COLEC12: variants seen among roughly 807,000 people sequenced by gnomAD.
The protein encoded by COLEC12 is collectin subfamily member 12, also known as collectin-12.
A neutral mutation model predicts 71.1 loss-of-function variants in COLEC12; 33 were observed. The ratio of observed to expected loss-of-function variants is 0.46; its 90% confidence interval spans 0.35 to 0.62. The LOEUF is 0.62. COLEC12 is among the 20% of genes least tolerant of loss of function. COLEC12 has a pLI of 0.00. For synonymous variants in COLEC12, 350 were observed against 353.0 expected (o/e 0.99, Z 0.10); for missense variants, 765 against 916.1 (o/e 0.84, Z 2.13).
intron 2 of COLEC12, among the ~76,000 whole-genome samples, chr18:416,854 A>AGGTGGGGGCGGTGGGG (rs1475603371): frequency 1.3e-4 from 1 of 7,796 alleles, no homozygotes; most frequent in Non-Finnish European, 2.3e-4. Context: ...GCAAGCTAAC[A>AGGTGGGGGCGGTGGGG]GGTGGGGGCG....
chr18:321,609 C>G lies in COLEC12; in HGVS notation c.2209+53G>C, dbSNP rs1913705596. On this transcript the variant is annotated intron_variant, in intron 9 of 9. Coordinates refer to ENST00000400256, the MANE Select transcript of COLEC12 (RefSeq NM_130386.3). ...GCCCTTGTACTCACCACCCCTCACC[C>G]TTTCATAGGACATAAGCTGGCAGCT... is the stretch of plus-strand genomic sequence containing the variant. 3.7e-6 allele frequency: 6 copies of G among 1,607,206 alleles called. No homozygotes were observed. In the Admixed American group the frequency reaches 5.0e-5, roughly 13 times the overall value.
At chr18:349,912 G>A (rs914634813) in intron 3 of COLEC12, among the ~76,000 whole-genome samples, 9 of 152,240 alleles carry the variant, frequency 5.9e-5, no homozygotes, top group Non-Finnish European at 1.3e-4. Flanking sequence ...TATCTAGGAA[G>A]TAACTAGCTT....
chr18:325,146 T>C (rs1027324550), intron 8 of COLEC12, among the ~76,000 whole-genome samples: 6 of 152,186 alleles, frequency 3.9e-5, no homozygotes, highest in African/African-American at 1.2e-4. Flanking sequence ...TGAGCTGTGA[T>C]TGTGCCACTG....
intron 2 of COLEC12, among the ~76,000 whole-genome samples, chr18:471,530 A>G (rs1917197913): frequency 6.6e-6 from 1 of 151,934 alleles, no homozygotes; most frequent in Admixed American, 6.6e-5. Flanking sequence ...AGCTTCATTT[A>G]TAGCAAAGTT....
chr18:377,542 G>A (rs917621098), intron 2 of COLEC12, among the ~76,000 whole-genome samples: 5 of 152,086 alleles, frequency 3.3e-5, no homozygotes, highest in Non-Finnish European at 7.4e-5. Flanking sequence ...CTTATTCTTC[G>A]GCCTCCAAGT....
intron 3 of COLEC12, among the ~76,000 whole-genome samples, chr18:355,047 G>GCATGCATCCATCCATC (rs755545328): frequency 6.6e-5 from 10 of 150,380 alleles, no homozygotes; most frequent in African/African-American, 2.5e-4. Context: ...ATCCATCCAT[G>GCATGCATCCATCCATC]CATCCATCCA....
At chr18:469,609 C>CATCT (rs1917154484) in intron 2 of COLEC12, among the ~76,000 whole-genome samples, 1 of 152,192 alleles carries the variant, frequency 6.6e-6, no homozygotes, top group Admixed American at 6.5e-5. Flanking sequence ...TGAAGGCCTG[C>CATCT]ATCTCTTCCC....
intron 2 of COLEC12, among the ~76,000 whole-genome samples, chr18:441,992 T>A (rs1916545367): frequency 8.3e-6 from 1 of 120,998 alleles, no homozygotes; most frequent in African/African-American, 3.4e-5. Context: ...AGAGTGAGAC[T>A]CTCTCTCTCT....
At chr18:341,047 G>A (rs963160588) in intron 5 of COLEC12, among the ~76,000 whole-genome samples, 2 of 152,212 alleles carry the variant, frequency 1.3e-5, no homozygotes, top group Non-Finnish European at 2.9e-5. Flanking sequence ...GAGGAACTGA[G>A]GCCCCTGCCT....
At chr18:455,589 A>G (rs1362613916) in intron 2 of COLEC12, among the ~76,000 whole-genome samples, 1 of 151,940 alleles carries the variant, frequency 6.6e-6, no homozygotes, top group Non-Finnish European at 1.5e-5. Flanking sequence ...TCAACCCATC[A>G]TCTAGGTTTT....
At chr18:455,356 T>C (rs886299196) in intron 2 of COLEC12, among the ~76,000 whole-genome samples, 76 of 151,060 alleles carry the variant, frequency 5.0e-4, no homozygotes, top group Admixed American at 9.9e-4. Flanking sequence ...CAGCTCACTG[T>C]AAGCTCCGCC....
At chr18:425,729 T>C (rs1171663426) in intron 2 of COLEC12, among the ~76,000 whole-genome samples, 2 of 152,200 alleles carry the variant, frequency 1.3e-5, no homozygotes, top group Non-Finnish European at 2.9e-5. Context: ...ATTGGAGAAG[T>C]GCTTTTGGAC....
intron 2 of COLEC12, among the ~76,000 whole-genome samples, chr18:369,388 T>A (rs1370754442): frequency 1.4e-5 from 2 of 144,236 alleles, no homozygotes; most frequent in African/African-American, 5.2e-5. Flanking sequence ...TACAGATCTT[T>A]TTTTTTTTAT....
chr18:441,548 G>A (rs372119634), intron 2 of COLEC12, among the ~76,000 whole-genome samples: 4 of 152,284 alleles, frequency 2.6e-5, no homozygotes, highest in East Asian at 1.9e-4. Context: ...TGGATCTGAC[G>A]AGGACGCTGT....
At chr18:497,761 T>C (rs1178450468) in intron 1 of COLEC12, among the ~76,000 whole-genome samples, 1 of 152,202 alleles carries the variant, frequency 6.6e-6, no homozygotes, top group Non-Finnish European at 1.5e-5. Context: ...TTGCTTTCTA[T>C]CATGTTGGCT....
Position 363,232 on chromosome 18 carries a change from G to GA in COLEC12, c.59-5711dup, listed in dbSNP as rs1329415019. Reference sequence around the variant, plus strand: ...AGTCTGTTTTTCCGATCTTTTTGCAGAAAAAAAAAGAGTCTCCTTCACTCT... The same window carrying GA: ...AGTCTGTTTTTCCGATCTTTTTGCAGAAAAAAAAAAGAGTCTCCTTCACTCT... On this transcript the variant is annotated intron_variant, in intron 2 of 9. Transcript: ENST00000400256. Among the ~76,000 whole-genome samples the GA allele has an allele frequency of 4.6e-5, 7 of 150,596 alleles. No homozygotes were observed. The South Asian group carries it at 1.3e-3, about 27-fold the overall frequency.
chr18:361,141 T>C (rs892877480), intron 2 of COLEC12, among the ~76,000 whole-genome samples: 11 of 152,226 alleles, frequency 7.2e-5, no homozygotes, highest in East Asian at 1.9e-4. Context: ...CTACAGCTTA[T>C]TGATGTTCAC....
In COLEC12 at chr18:437,846, G is replaced by A. The variant is rs558767084; in HGVS notation, c.58+42861C>T. Among the ~76,000 whole-genome samples the A allele has an allele frequency of 1.8e-4, 27 of 152,268 alleles. No individual in the cohort carries two copies. The South Asian group carries it at 5.6e-3, about 32-fold the overall frequency. On this transcript the variant is annotated intron_variant, in intron 2 of 9. Coordinates refer to ENST00000400256, the MANE Select transcript of COLEC12 (RefSeq NM_130386.3). Reference sequence around the variant, plus strand: ...CATTTAACAAACTGAGCTACAAATTGTGTAAAAAAATTCCTAATATTTCTC... The same window carrying A: ...CATTTAACAAACTGAGCTACAAATTATGTAAAAAAATTCCTAATATTTCTC...
intron 2 of COLEC12, among the ~76,000 whole-genome samples, chr18:382,815 T>C (rs1200693430): frequency 6.6e-6 from 1 of 152,258 alleles, no homozygotes; most frequent in African/African-American, 2.4e-5. Context: ...TTGTTTTAAG[T>C]GACACATAAT....
Sources: gnomAD v4.1 joint callset for allele counts (sites outside exome capture counted in the v4.1 genomes callset) on GRCh38, gnomAD v4.1.1 for gene constraint, MANE v1.5 for transcripts, NCBI Gene and HGNC (gene_info 2026-07-23, HGNC 2026-07-21) for gene names.